The following AK9 variants were observed in gnomAD, a reference collection of about 807,000 sequenced individuals.
AK9 encodes the protein adenylate kinase domain containing 1.
AK9 carries 191 observed loss-of-function variants against 239.6 expected under a neutral mutation model. The observed-to-expected ratio is 0.80, with a 90% CI of 0.71 to 0.90. AK9 has a LOEUF of 0.90. Among genes scored for constraint, AK9 ranks in the 40% least tolerant of loss-of-function variants. The probability of loss-of-function intolerance (pLI) is 0.00; values close to 1 mark genes in which losing one functional copy is unlikely to be tolerated. For missense variants in AK9, 1,995 were observed against 2,214.7 expected, an observed-to-expected ratio of 0.90 and a Z score of 1.99; for synonymous variants, 689 against 721.0, an observed-to-expected ratio of 0.96 and a Z score of 0.71.
At chr6:109,659,636 T>C (rs561265202) in intron 6 of AK9, among the ~76,000 whole-genome samples, 1 of 152,214 alleles carries the variant, frequency 6.6e-6, no homozygotes, top group South Asian at 2.1e-4. Context: ...AAAATTAATA[T>C]AGGTGAAAAA....
At chr6:109,516,879 T>G (rs1779330801) in intron 29 of AK9, among the ~76,000 whole-genome samples, 1 of 152,216 alleles carries the variant, frequency 6.6e-6, no homozygotes, top group Admixed American at 6.5e-5. Context: ...AGGTAGACTA[T>G]TTCTTCTAAT....
At chr6:109,519,700 C>T (rs568246980) in intron 29 of AK9, among the ~76,000 whole-genome samples, 1 of 151,304 alleles carries the variant, frequency 6.6e-6, no homozygotes, top group African/African-American at 2.4e-5. Flanking sequence ...GAGGCTGAGA[C>T]AGGAGGACTG....
Position 109,629,582 on chromosome 6 carries a change from T to C in AK9, c.1254+3341A>G, listed in dbSNP as rs903889901. ...CACCATCTTTCCTGAATATTATAAA[T>C]TTAAAATGTAGAATTTTCTTTTGGA... On this transcript the variant is annotated intron_variant, in intron 12 of 40. Transcript: ENST00000424296. Among the ~76,000 whole-genome samples the C allele has an allele frequency of 7.4e-4, 112 of 152,274 alleles. 1 individual carries two copies. Among genetic ancestry groups the C allele is most frequent in the African/African-American group, 2.6e-3 (109 of 41,560 alleles).
At chr6:109,584,348 G>A (rs990738911) in intron 19 of AK9, among the ~76,000 whole-genome samples, 1 of 152,062 alleles carries the variant, frequency 6.6e-6, no homozygotes, top group African/African-American at 2.4e-5. Context: ...AGCCATAGGT[G>A]CCATCATCAA....
intron 35 of AK9, among the ~76,000 whole-genome samples, chr6:109,502,678 G>T (rs1777715977): frequency 6.6e-6 from 1 of 152,216 alleles, no homozygotes; most frequent in Admixed American, 6.5e-5. Flanking sequence ...CTTTCAGGTT[G>T]TTCACTTGAT....
intron 5 of AK9, among the ~76,000 whole-genome samples, chr6:109,665,466 CTTG>C (rs140052620): frequency 0.35 from 52,423 of 151,886 alleles, 9,474 homozygotes; most frequent in South Asian, 0.44. Flanking sequence ...CCTGCCTCTT[CTTG>C]TTGTTCTCTT....
At chr6:109,682,426 C>CAAAAAA (rs57215335) in intron 1 of AK9, among the ~76,000 whole-genome samples, 6 of 68,536 alleles carry the variant, frequency 8.8e-5, no homozygotes, top group South Asian at 4.6e-4. Flanking sequence ...GACTCCGTCT[C>CAAAAAA]AAAAAAAAAA....
At chr6:109,648,511 G>A (rs1369446996) in intron 8 of AK9, among the ~76,000 whole-genome samples, 3 of 152,008 alleles carry the variant, frequency 2.0e-5, no homozygotes, top group African/African-American at 7.3e-5. Context: ...TAAATTCCTC[G>A]ACACATACAC....
chr6:109,615,022 T>A (rs1242793222), intron 13 of AK9, among the ~76,000 whole-genome samples: 1 of 152,178 alleles, frequency 6.6e-6, no homozygotes, highest in Non-Finnish European at 1.5e-5. Flanking sequence ...GAGAAGGCAA[T>A]TTGTGGAAAG....
intron 12 of AK9, among the ~76,000 whole-genome samples, chr6:109,622,747 T>C (rs1249773625): frequency 6.6e-6 from 1 of 151,172 alleles, no homozygotes; most frequent in Non-Finnish European, 1.5e-5. Flanking sequence ...TATTTTGGTA[T>C]ATACATTTTT....
intron 20 of AK9, among the ~76,000 whole-genome samples, chr6:109,576,109 G>C (rs910249387): frequency 1.3e-5 from 2 of 152,076 alleles, no homozygotes; most frequent in African/African-American, 4.8e-5. Flanking sequence ...GTAATGTGAT[G>C]CCTATAGATT....
chr6:109,614,547 A>G, intron 13 of AK9, 67 bp from the exon 14 acceptor site: 1 of 1,281,796 alleles, frequency 7.8e-7, no homozygotes, highest in Non-Finnish European at 1.1e-6. Flanking sequence ...TAGAGTGACC[A>G]AAAGCCCCTG....
At chr6:109,572,158 G>A (rs995568858) in intron 21 of AK9, among the ~76,000 whole-genome samples, 1 of 152,176 alleles carries the variant, frequency 6.6e-6, no homozygotes, top group South Asian at 2.1e-4. Flanking sequence ...TTTCTTGGGT[G>A]AAATAATGAA....
Position 109,562,613 on chromosome 6 carries a change from T to C in AK9, c.2751+984A>G, listed in dbSNP as rs1370405071. Among the ~76,000 whole-genome samples, 4 of 152,210 alleles carry C rather than the reference T, an allele frequency of 2.6e-5. No homozygotes were observed. The East Asian group carries it at 7.7e-4, about 29-fold the overall frequency. On this transcript the variant is annotated intron_variant, in intron 24 of 40. Coordinates refer to ENST00000424296, the MANE Select transcript of AK9 (RefSeq NM_001145128.3). ...TGCTCTTGGACACAGTTAAATTACT[T>C]GGAAGCAGTTTGATCCTTTTGGCTC...
chr6:109,689,367 T>C (rs1296257701), intron 1 of AK9, among the ~76,000 whole-genome samples: 1 of 152,210 alleles, frequency 6.6e-6, no homozygotes, highest in Non-Finnish European at 1.5e-5. Context: ...ACCTTTTCTA[T>C]GCACGACCAG....
chr6:109,599,582 T>G (rs1791609811), intron 17 of AK9, among the ~76,000 whole-genome samples: 3 of 100,488 alleles, frequency 3.0e-5, no homozygotes, highest in Admixed American at 1.2e-4. Flanking sequence ...CCATATGAAC[T>G]TTAAAGTAGT....
intron 24 of AK9, among the ~76,000 whole-genome samples, chr6:109,557,526 G>A (rs769846900): frequency 1.2e-4 from 18 of 152,112 alleles, no homozygotes; most frequent in Non-Finnish European, 2.1e-4. Context: ...TGGTGGAGAG[G>A]GTATGTTTTG....
At chr6:109,651,746 C>T (rs920775375) in intron 8 of AK9, among the ~76,000 whole-genome samples, 3 of 152,056 alleles carry the variant, frequency 2.0e-5, no homozygotes, top group African/African-American at 4.8e-5. Flanking sequence ...ATATCACCAC[C>T]GATCCCACAG....
At chr6:109,642,867 A>G (rs1797629773) in intron 9 of AK9, among the ~76,000 whole-genome samples, 1 of 152,162 alleles carries the variant, frequency 6.6e-6, no homozygotes, top group South Asian at 2.1e-4. Flanking sequence ...ACAGCAGTTG[A>G]GCAGCCATTA....
Sources: gnomAD v4.1 joint callset for allele counts (sites outside exome capture counted in the v4.1 genomes callset) on GRCh38, gnomAD v4.1.1 for gene constraint, MANE v1.5 for transcripts, NCBI Gene and HGNC (gene_info 2026-07-23, HGNC 2026-07-21) for gene names.